Variants in TUBA4B observed in about 807,000 individuals in gnomAD.
TUBA4B encodes the protein tubulin alpha 4b.
In TUBA4B, 13 loss-of-function variants were observed where a neutral mutation model predicts 18.4. The observed-to-expected ratio is 0.71, with a 90% CI of 0.46 to 1.12. TUBA4B has a LOEUF of 1.12. Ranked by LOEUF, TUBA4B falls within the 50% of genes most tolerant of loss-of-function variation. TUBA4B has a pLI of 0.00. For synonymous variants in TUBA4B, 101 were observed against 99.1 expected (o/e 1.02, Z -0.11); for missense variants, 244 against 250.0 (o/e 0.98, Z 0.16).
chr2:219,253,857 A>G, intron 1 of TUBA4B: 3 of 1,484,984 alleles, frequency 2.0e-6, no homozygotes, highest in Non-Finnish European at 2.7e-6. Flanking sequence ...CGCACTCACC[A>G]TGGTGAGTCC....
At chr2:219,257,333 G>A (rs1044273346) in intron 1 of TUBA4B, among the ~76,000 whole-genome samples, 6 of 131,432 alleles carry the variant, frequency 4.6e-5, no homozygotes, top group Non-Finnish European at 9.6e-5. Context: ...GAGCCACTGC[G>A]CCCAGCCTTT....
In TUBA4B at chr2:219,271,830, C is replaced by T; in HGVS notation, c.*131C>T. 1.3e-6 allele frequency: 2 copies of T among 1,572,868 alleles called. No individual in the cohort carries two copies. The highest frequency in any genetic ancestry group is 1.8e-6 in the Non-Finnish European group (2 of 1,142,538). ...GCAGCATTCAGTTTGTGGACTGGTG[C>T]CCCACAGGCTTTAAGGTTGATATCA... On this transcript the variant is annotated 3_prime_UTR_variant, in exon 4 of 4. Transcript: ENST00000490341.
rs925766912 is a variant in TUBA4B at position 219,271,352 on chromosome 2, A to T, written c.379A>T (p.Ile127Phe). 1 of 1,613,898 alleles carries T rather than the reference A, an allele frequency of 6.2e-7. No individual in the cohort carries two copies. Among genetic ancestry groups the T allele is most frequent in the African/African-American group, 1.3e-5 (1 of 74,898 alleles). The part of the protein sequence containing the change: ...STAMVQPYNS[I>F]LTTHTTLEHS... ...AGCCATGGTCCAGCCCTACAACTCTATCCTGACCACCCACACCACCCTGGA... is the reference window on the plus strand; with the variant it reads ...AGCCATGGTCCAGCCCTACAACTCTTTCCTGACCACCCACACCACCCTGGA... Residue 127 changes from isoleucine to phenylalanine, a missense_variant, in exon 4 of 4, where the codon ATC (isoleucine) becomes TTC (phenylalanine). Physicochemically the swap from Ile to Phe is conservative, Grantham distance 21. Transcript: ENST00000490341.
intron 1 of TUBA4B, chr2:219,253,746 TG>T: frequency 2.2e-6 from 3 of 1,356,500 alleles, no homozygotes; most frequent in Admixed American, 2.3e-5. Flanking sequence ...TCGCACCTCC[TG>T]GAGACCCGGA....
intron 2 of TUBA4B, among the ~76,000 whole-genome samples, chr2:219,269,905 T>C (rs888298101): frequency 6.6e-6 from 1 of 152,144 alleles, no homozygotes; most frequent in African/African-American, 2.4e-5. Flanking sequence ...ACTCCATAAC[T>C]GCAGAGCATG....
intron 1 of TUBA4B, chr2:219,266,292 G>T: frequency 1.9e-6 from 1 of 536,372 alleles, no homozygotes; most frequent in Middle Eastern, 4.8e-4. Context: ...CTGGATACCT[G>T]TGTGGAGTTA....
At chr2:219,258,733 A>T in intron 1 of TUBA4B, among the ~76,000 whole-genome samples, 1 of 152,166 alleles carries the variant, frequency 6.6e-6, no homozygotes, top group East Asian at 1.9e-4. Flanking sequence ...TAACAGTAGG[A>T]AAATAATACG....
At chr2:219,257,886 C>T (rs1225711893) in intron 1 of TUBA4B, among the ~76,000 whole-genome samples, 1 of 151,394 alleles carries the variant, frequency 6.6e-6, no homozygotes, top group Non-Finnish European at 1.5e-5. Context: ...CTGTGTTGCC[C>T]AAGCTGGTCT....
intron 1 of TUBA4B, among the ~76,000 whole-genome samples, chr2:219,257,663 A>G (rs1326407466): frequency 2.7e-5 from 4 of 148,178 alleles, no homozygotes; most frequent in Non-Finnish European, 5.9e-5. Context: ...AAAAAAAAAA[A>G]AAAGAGACAG....
At chr2:219,262,658 C>T (rs1050285480) in intron 1 of TUBA4B, among the ~76,000 whole-genome samples, 2 of 152,136 alleles carry the variant, frequency 1.3e-5, no homozygotes, top group Non-Finnish European at 2.9e-5. Flanking sequence ...CAGGCATGTG[C>T]CACCACACCC....
chr2:219,271,227 G>A lies in TUBA4B; in HGVS notation c.254G>A (p.Gly85Asp). ...LVFHSLGRGT[G>D]SDVTSFLMEW... ...TTCCACAGCCTTGGTCGGGGCACTG[G>A]CTCTGACGTCACCTCATTCCTGATG... The change falls in exon 4 of 4, where the codon GGC becomes GAC. Residue 85 changes from glycine to aspartate, a missense_variant. By Grantham distance (94) the Gly-to-Asp change is moderately conservative. Transcript: ENST00000490341. The A allele has an allele frequency of 8.2e-7, 1 of 1,224,586 alleles. No individual in the cohort carries two copies. Among genetic ancestry groups the A allele is most frequent in the Non-Finnish European group, 1.2e-6 (1 of 824,872 alleles). 75.9% of individuals were successfully genotyped at this position (1,224,586 alleles called of 1,614,324 possible). A position where few individuals can be genotyped will look rare whatever the true frequency, so the allele number is the denominator to read the frequency against.
chr2:219,268,094 C>G (rs1477925610), intron 2 of TUBA4B, among the ~76,000 whole-genome samples: 1 of 146,620 alleles, frequency 6.8e-6, no homozygotes, highest in Non-Finnish European at 1.5e-5. Flanking sequence ...GGTCTCAGCT[C>G]AACTCATTAT....
rs773944120 is a variant in TUBA4B at position 219,271,544 on chromosome 2, C to T, written c.571C>T (p.Leu191=). 4 of 1,614,078 alleles carry T rather than the reference C, an allele frequency of 2.5e-6. No individual in the cohort carries two copies. In the African/African-American group the frequency reaches 4.0e-5, roughly 16 times the overall value. The change falls in exon 4 of 4, where the codon CTG becomes TTG. Residue 191 remains leucine, a synonymous_variant. Coordinates refer to ENST00000490341, the MANE Select transcript of TUBA4B (RefSeq NM_001355221.1). The part of the protein sequence containing the change: ...LRFDGALNVD[L]TEFQTNLVSY... ...CTTTGACGGGGCCCTCAATGTGGAC[C>T]TGACAGAGTTCCAGACCAACCTGGT...
intron 2 of TUBA4B, among the ~76,000 whole-genome samples, chr2:219,268,973 G>A (rs1951807791): frequency 6.6e-6 from 1 of 152,104 alleles, no homozygotes; most frequent in Non-Finnish European, 1.5e-5. Context: ...GTGCATGCCT[G>A]TAGTCCCAGC....
chr2:219,266,589 G>A, intron 2 of TUBA4B, 23 bp downstream of exon 2: 1 of 702,676 alleles, frequency 1.4e-6, no homozygotes, highest in Non-Finnish European at 2.6e-6. Flanking sequence ...GGCCTTGGGG[G>A]GACTGAGCAT....
At chr2:219,270,836 G>A (rs1951820544) in intron 3 of TUBA4B, among the ~76,000 whole-genome samples, 2 of 152,074 alleles carry the variant, frequency 1.3e-5, no homozygotes, top group Non-Finnish European at 2.9e-5. Flanking sequence ...GGTGGGTGGA[G>A]TTGGCAAGTT....
At chr2:219,270,628 C>T (rs910375077) in intron 3 of TUBA4B, among the ~76,000 whole-genome samples, 4 of 143,348 alleles carry the variant, frequency 2.8e-5, no homozygotes, top group Non-Finnish European at 4.4e-5. Flanking sequence ...ATAAGCGTTC[C>T]CAGAATACCA....
At chr2:219,258,007 G>A (rs1466999264) in intron 1 of TUBA4B, among the ~76,000 whole-genome samples, 46 of 23,410 alleles carry the variant, frequency 2.0e-3, no homozygotes, top group Non-Finnish European at 3.3e-3. Context: ...TTTTTTTTTT[G>A]AGACAGTCTC....
chr2:219,264,373 T>A (rs1303085938), intron 1 of TUBA4B, among the ~76,000 whole-genome samples: 2 of 151,526 alleles, frequency 1.3e-5, no homozygotes, highest in Non-Finnish European at 2.9e-5. Flanking sequence ...GGTGGGAGAA[T>A]TGCTTGAACC....
Sources: allele counts gnomAD v4.1 joint callset (sites outside exome capture counted in the v4.1 genomes callset), GRCh38; gene constraint gnomAD v4.1.1; transcripts MANE v1.5; gene names NCBI Gene and HGNC (gene_info 2026-07-23, HGNC 2026-07-21).